MLXIP: variants seen among roughly 807,000 people sequenced by gnomAD.
MLXIP encodes the protein MLX-interacting protein.
MLXIP carries 30 observed loss-of-function variants against 87.2 expected under a neutral mutation model. The ratio of observed to expected loss-of-function variants is 0.34; its 90% confidence interval spans 0.26 to 0.47. The LOEUF (loss-of-function observed/expected upper bound fraction) is 0.47. Ranked by LOEUF, MLXIP falls within the 20% of genes least tolerant of loss-of-function variation. The probability of loss-of-function intolerance (pLI) is 1.00; values close to 1 mark genes in which losing one functional copy is unlikely to be tolerated. For missense variants in MLXIP, 1,002 were observed against 1,240.1 expected, an observed-to-expected ratio of 0.81 and a Z score of 2.88; for synonymous variants, 530 against 514.0, an observed-to-expected ratio of 1.03 and a Z score of -0.42.
chr12:122,114,058 T>C (rs1198135207), intron 1 of MLXIP, among the ~76,000 whole-genome samples: 3 of 142,194 alleles, frequency 2.1e-5, no homozygotes, highest in Non-Finnish European at 3.0e-5. Context: ...CAATCTTGGC[T>C]CACCGCGCAA....
At chr12:122,100,765 G>A (rs1952424331) in intron 1 of MLXIP, among the ~76,000 whole-genome samples, 1 of 152,130 alleles carries the variant, frequency 6.6e-6, no homozygotes, top group Non-Finnish European at 1.5e-5. Flanking sequence ...CTTAGTGAGG[G>A]TTTAGAGACT....
intron 1 of MLXIP, among the ~76,000 whole-genome samples, chr12:122,113,618 T>G (rs1248217502): frequency 1.3e-5 from 2 of 151,738 alleles, no homozygotes; most frequent in African/African-American, 4.8e-5. Flanking sequence ...CAGATGAATA[T>G]GTATTGCCAA....
rs767673343 is a variant in MLXIP, at chr12:122,135,240, A to G, written c.1749A>G (p.Gln583=). Reference sequence around the variant, plus strand: ...TCCTGGCAGCTGCCTTTTCAGGCCAACCACAAGCGGTGATCATGACGTCAG... The same window carrying G: ...TCCTGGCAGCTGCCTTTTCAGGCCAGCCACAAGCGGTGATCATGACGTCAG... ...ARIAPAAFSG[Q]PQAVIMTSGP... Residue 583 remains glutamine, a synonymous_variant, in exon 10 of 17, where the codon CAA becomes CAG. Transcript: ENST00000319080. This position sits in a 1 kb window ranked among gnomAD's most constrained non-coding sequence, Gnocchi z 5.3. The G allele has an allele frequency of 3.1e-6, 5 of 1,613,432 alleles. No homozygotes were observed. Among genetic ancestry groups the G allele is most frequent in the South Asian group, 1.1e-5 (1 of 91,038 alleles).
In MLXIP at chr12:122,143,326, C is replaced by G. The variant is rs964622339; in HGVS notation, c.*1514C>G. ...CTGCAGGCCTGCGGGGATCTCTCCC[C>G]ACTTCAGGCCTCCGGCCAGCTGCCT... On this transcript the variant is annotated 3_prime_UTR_variant, in exon 17 of 17. Coordinates refer to ENST00000319080, the MANE Select transcript of MLXIP (RefSeq NM_014938.6). The G allele has an allele frequency of 1.3e-5, 2 of 152,440 alleles. No homozygotes were observed. The highest frequency in any genetic ancestry group is 1.5e-5 in the Non-Finnish European group (1 of 68,202). The allele number at this position is 152,440 out of a possible 1,614,324, so 9.4% of individuals were successfully genotyped here.
chr12:122,134,180 T>A, intron 9 of MLXIP, 193 bp downstream of exon 9: 1 of 692,322 alleles, frequency 1.4e-6, no homozygotes, highest in Non-Finnish European at 2.2e-6. Flanking sequence ...TTTTCTATGC[T>A]CTATCTTTTT....
intron 1 of MLXIP, among the ~76,000 whole-genome samples, chr12:122,082,337 G>A (rs559445881): frequency 2.1e-4 from 32 of 152,290 alleles, no homozygotes; most frequent in African/African-American, 7.0e-4. Context: ...GCCTTTCCCC[G>A]AGGCAAACCA....
intron 1 of MLXIP, among the ~76,000 whole-genome samples, chr12:122,086,891 C>T (rs910120402): frequency 9.9e-5 from 15 of 152,282 alleles, no homozygotes; most frequent in Admixed American, 9.8e-4. Flanking sequence ...CACAGGCCAG[C>T]CCTGCCGTCT....
intron 1 of MLXIP, among the ~76,000 whole-genome samples, chr12:122,090,685 A>G (rs1249288013): frequency 6.6e-6 from 1 of 152,180 alleles, no homozygotes; most frequent in Non-Finnish European, 1.5e-5. Flanking sequence ...CATTTATTTG[A>G]AGGATGACCA....
chr12:122,094,360 G>A (rs1425657188), intron 1 of MLXIP, among the ~76,000 whole-genome samples: 3 of 138,650 alleles, frequency 2.2e-5, no homozygotes, highest in African/African-American at 5.4e-5. Flanking sequence ...GTATGTTTGC[G>A]GTGGGTGTAT....
chr12:122,116,666 C>G (rs1258047739), intron 1 of MLXIP, among the ~76,000 whole-genome samples: 1 of 152,184 alleles, frequency 6.6e-6, no homozygotes, highest in African/African-American at 2.4e-5. Flanking sequence ...TGGCTTGAAT[C>G]TGACAGGAAA....
intron 1 of MLXIP, among the ~76,000 whole-genome samples, chr12:122,107,982 C>T (rs1952547001): frequency 6.6e-6 from 1 of 152,148 alleles, no homozygotes; most frequent in South Asian, 2.1e-4. Flanking sequence ...TCTTTCCAAG[C>T]TGACCCTGAT....
At chr12:122,092,837 G>A (rs1952266582) in intron 1 of MLXIP, among the ~76,000 whole-genome samples, 1 of 152,050 alleles carries the variant, frequency 6.6e-6, no homozygotes, top group South Asian at 2.1e-4. Context: ...CTTGACTCTT[G>A]TTTAGTTTCC....
At chr12:122,130,786 C>T (rs764414466) in intron 6 of MLXIP, 58 bp from the exon 7 acceptor site, 17 of 1,259,094 alleles carry the variant, frequency 1.4e-5, no homozygotes, top group South Asian at 7.2e-5. Context: ...GCCTTTTTTA[C>T]GTTCCTGCAA....
chr12:122,139,057 C>T lies in MLXIP; in HGVS notation c.2508+119C>T, dbSNP rs866848321. The T allele has an allele frequency of 3.0e-5, 43 of 1,435,602 alleles. No individual in the cohort carries two copies. In the Middle Eastern group the frequency reaches 5.4e-4, roughly 18 times the overall value. The allele number at this position is 1,435,602 out of a possible 1,614,324, so 88.9% of individuals were successfully genotyped here. A position where few individuals can be genotyped will look rare whatever the true frequency, so the allele number is the denominator to read the frequency against. ...TAAATGCCTGTCACCAAGCTCCTCA[C>T]GACAGGCAGTGCTAGTGTCTATCTC... On this transcript the variant is annotated intron_variant, in intron 15 of 16. Transcript: ENST00000319080.
intron 1 of MLXIP, among the ~76,000 whole-genome samples, chr12:122,115,111 G>A (rs1483582815): frequency 2.0e-5 from 3 of 151,842 alleles, no homozygotes; most frequent in South Asian, 2.1e-4. Flanking sequence ...TCTAGGTGGC[G>A]GAATTGAAGG....
chr12:122,124,121 G>A (rs1007287533), intron 1 of MLXIP, among the ~76,000 whole-genome samples: 3 of 151,456 alleles, frequency 2.0e-5, no homozygotes, highest in Non-Finnish European at 2.9e-5. Context: ...CACCCAAGGC[G>A]TGCTGCATGA....
chr12:122,104,331 T>C (rs1421882595), intron 1 of MLXIP, among the ~76,000 whole-genome samples: 1 of 152,196 alleles, frequency 6.6e-6, no homozygotes, highest in African/African-American at 2.4e-5. Context: ...ATCTGCGCAC[T>C]ATCACTGTGA....
intron 1 of MLXIP, among the ~76,000 whole-genome samples, chr12:122,105,832 CCTCT>C (rs1379845469): frequency 6.6e-6 from 1 of 151,044 alleles, no homozygotes; most frequent in African/African-American, 2.4e-5. Context: ...TTCTTTTCCT[CCTCT>C]CTCTCTTGTT....
At chr12:122,109,394 G>A (rs1055083405) in intron 1 of MLXIP, among the ~76,000 whole-genome samples, 1 of 152,352 alleles carries the variant, frequency 6.6e-6, no homozygotes, top group Non-Finnish European at 1.5e-5. Flanking sequence ...AGTAGTGATG[G>A]GGTTTTGCCA....
Sources: allele counts gnomAD v4.1 joint callset (sites outside exome capture counted in the v4.1 genomes callset), GRCh38; gene constraint gnomAD v4.1.1; non-coding constraint Gnocchi (gnomAD v3.1); transcripts MANE v1.5; gene names NCBI Gene and HGNC (gene_info 2026-07-23, HGNC 2026-07-21).